SYNE2: variants seen among roughly 807,000 people sequenced by gnomAD.
SYNE2 encodes the protein spectrin repeat containing nuclear envelope protein 2.
A neutral mutation model predicts 856.3 loss-of-function variants in SYNE2; 431 were observed. The observed-to-expected ratio is 0.50, with a 90% CI of 0.47 to 0.55. The LOEUF (loss-of-function observed/expected upper bound fraction) is 0.55. Ranked by LOEUF, SYNE2 falls within the 20% of genes least tolerant of loss-of-function variation. The probability of loss-of-function intolerance (pLI) is 0.00; values close to 1 mark genes in which losing one functional copy is unlikely to be tolerated. For synonymous variants in SYNE2, 2,923 were observed against 2,872.3 expected, an observed-to-expected ratio of 1.02 and a Z score of -0.56; for missense variants, 8,129 against 8,023.2, an observed-to-expected ratio of 1.01 and a Z score of -0.50.
intron 1 of SYNE2, among the ~76,000 whole-genome samples, chr14:63,868,868 G>A (rs1959033): frequency 0.056 from 8,477 of 152,188 alleles, 259 homozygotes; most frequent in Middle Eastern, 0.095. Context: ...ATCTAATAAA[G>A]GGGACACCAT....
At chr14:64,042,368 A>T (rs1024473904) in intron 45 of SYNE2, among the ~76,000 whole-genome samples, 1 of 152,340 alleles carries the variant, frequency 6.6e-6, no homozygotes, top group Non-Finnish European at 1.5e-5. Context: ...ATGAAAAGGG[A>T]TAGAGGTTGG....
At chr14:64,155,282 A>G (rs1358915531) in intron 85 of SYNE2, among the ~76,000 whole-genome samples, 1 of 119,298 alleles carries the variant, frequency 8.4e-6, no homozygotes, top group Non-Finnish European at 1.7e-5. Context: ...ATGAAGTAGT[A>G]CATACATATA....
rs534653015 is a variant in SYNE2 at position 63,777,789 on chromosome 14, C to T, written c.-305+15803C>T. Reference sequence around the variant, plus strand: ...GCCTAAGGGATCCTCCAGCCTCAGCCTCCTAAGTAGCTAGGACAACAGGCA... The same window carrying T: ...GCCTAAGGGATCCTCCAGCCTCAGCTTCCTAAGTAGCTAGGACAACAGGCA... On this transcript the variant is annotated intron_variant, in intron 1 of 23. Coordinates refer to the SYNE2 transcript ENST00000674003. Among the ~76,000 whole-genome samples, 8 of 152,242 alleles carry T rather than the reference C, an allele frequency of 5.3e-5. 1 individual carries two copies. Among genetic ancestry groups the T allele is most frequent in the Middle Eastern group, 3.4e-3 (1 of 294 alleles).
intron 14 of SYNE2, among the ~76,000 whole-genome samples, chr14:63,979,858 G>GGCACT (rs2096572540): frequency 6.6e-6 from 1 of 152,008 alleles, no homozygotes; most frequent in Admixed American, 6.6e-5. Context: ...CCAAGATTGT[G>GGCACT]GCACTGCACT....
At chr14:64,113,833 C>T (rs991588172) in intron 66 of SYNE2, among the ~76,000 whole-genome samples, 3 of 152,140 alleles carry the variant, frequency 2.0e-5, no homozygotes, top group South Asian at 4.1e-4. Context: ...AAGTGAACTT[C>T]TCAGCCTCAT....
At chr14:64,159,244 A>G (rs1392538459) in intron 86 of SYNE2, 68 bp from the exon 87 acceptor site, 12 of 1,605,328 alleles carry the variant, frequency 7.5e-6, no homozygotes, top group Non-Finnish European at 1.0e-5. Flanking sequence ...AAGTGTTGAG[A>G]AGCTGCCACC....
chr14:64,113,678 C>T, intron 66 of SYNE2, 107 bp downstream of exon 66: 2 of 1,207,634 alleles, frequency 1.7e-6, no homozygotes, highest in Non-Finnish European at 2.4e-6. Flanking sequence ...GTTACTCTGA[C>T]CCTTACATTT....
chr14:63,873,723 T>A (rs1311321110), intron 1 of SYNE2: 1 of 152,228 alleles, frequency 6.6e-6, no homozygotes, highest in African/African-American at 2.4e-5. Context: ...CATAAGATTC[T>A]CATTTTTTTC....
intron 34 of SYNE2, 37 bp downstream of exon 34, chr14:64,017,793 C>T: frequency 2.5e-6 from 4 of 1,599,792 alleles, no homozygotes; most frequent in Non-Finnish European, 3.4e-6. Context: ...TTTCTTGGTA[C>T]ACAATTGACA....
chr14:63,989,399 G>A (rs987961125), intron 19 of SYNE2, among the ~76,000 whole-genome samples: 1 of 151,984 alleles, frequency 6.6e-6, no homozygotes, highest in East Asian at 1.9e-4. Context: ...GTGCAGTGGT[G>A]CAGTCTTGGC....
At chr14:63,851,108 A>G (rs1429134841), upstream of SYNE2, among the ~76,000 whole-genome samples, 2 of 152,180 alleles carry the variant, frequency 1.3e-5, no homozygotes, top group South Asian at 2.1e-4. Flanking sequence ...CATGCCTGTA[A>G]TCCCAGCGCT....
At position 63,982,915 on chromosome 14, in the gene SYNE2, A is replaced by T. The variant is rs2096597474; in HGVS notation, c.2001+121A>T. The T allele has an allele frequency of 1.2e-5, 12 of 1,024,516 alleles. 1 individual carries two copies. The South Asian group carries it at 1.6e-4, about 14-fold the overall frequency. 63.5% of individuals were successfully genotyped at this position (1,024,516 alleles called of 1,614,324 possible). A position where few individuals can be genotyped will look rare whatever the true frequency, so the allele number is the denominator to read the frequency against. ...TATGCACAGTTACGTAGCCATTACC[A>T]TAAAAAATTTAGAACATTTTTATTA... On this transcript the variant is annotated intron_variant, in intron 17 of 115. Coordinates refer to ENST00000555002, the MANE Select transcript of SYNE2 (RefSeq NM_182914.3).
chr14:63,803,186 AC>A (rs1393197359), intron 1 of SYNE2, among the ~76,000 whole-genome samples: 2 of 152,060 alleles, frequency 1.3e-5, no homozygotes, highest in Non-Finnish European at 2.9e-5. Flanking sequence ...CAGACTCAGG[AC>A]CCCAGCTGGC....
intron 63 of SYNE2, 35 bp downstream of exon 63, chr14:64,098,856 G>T: frequency 6.2e-7 from 1 of 1,602,002 alleles, no homozygotes; most frequent in South Asian, 1.1e-5. Flanking sequence ...AAGTTTGTTA[G>T]AACCAGATCT....
chr14:63,942,382 AGT>A (rs1297101727), intron 6 of SYNE2, among the ~76,000 whole-genome samples: 1 of 152,196 alleles, frequency 6.6e-6, no homozygotes, highest in African/African-American at 2.4e-5. Context: ...GCCGTGGCGC[AGT>A]CTTAACTCAC....
chr14:64,164,866 T>G (rs926717009), intron 89 of SYNE2, among the ~76,000 whole-genome samples: 4 of 141,338 alleles, frequency 2.8e-5, no homozygotes, highest in African/African-American at 8.1e-5. Flanking sequence ...TTTTTATTTT[T>G]TGTTTTTTTT....
chr14:64,035,010 G>A (rs1365937206), intron 45 of SYNE2, among the ~76,000 whole-genome samples: 3 of 150,356 alleles, frequency 2.0e-5, no homozygotes, highest in South Asian at 4.3e-4. Context: ...CCATCCTTCC[G>A]AAATAGCAGC....
At position 63,909,228 on chromosome 14, in the gene SYNE2, G is replaced by T. The variant is rs2095443291; in HGVS notation, c.79+1G>T. ...GACGATCTCCATATTTCATTGCAAG[G>T]TAATTAAGATTGGGTGGGGGTAACA... is the stretch of plus-strand genomic sequence containing the variant. On this transcript the variant is annotated splice_donor_variant, in intron 2 of 115. Transcript: ENST00000555002. LOFTEE classifies it high-confidence loss of function. The T allele has an allele frequency of 6.2e-7, 1 of 1,609,554 alleles. No homozygotes were observed. Among genetic ancestry groups the T allele is most frequent in the Non-Finnish European group, 8.5e-7 (1 of 1,176,712 alleles).
intron 1 of SYNE2, among the ~76,000 whole-genome samples, chr14:63,804,547 G>C (rs972050612): frequency 6.6e-6 from 1 of 152,086 alleles, no homozygotes; most frequent in African/African-American, 2.4e-5. Flanking sequence ...AGGCTGGAGT[G>C]CAATGGCGCG....
Sources: gnomAD v4.1 joint callset for allele counts (sites outside exome capture counted in the v4.1 genomes callset) on GRCh38, gnomAD v4.1.1 for gene constraint, MANE v1.5 for transcripts, NCBI Gene and HGNC (gene_info 2026-07-23, HGNC 2026-07-21) for gene names.